The following UTP4 variants were observed in gnomAD, a reference collection of about 807,000 sequenced individuals.
UTP4 encodes the protein UTP4 small subunit processome component.
Under a neutral mutation model 82.4 loss-of-function variants are expected in UTP4, and 45 were observed. That is an observed-to-expected ratio of 0.55 (90% CI 0.43 to 0.70). UTP4 has a LOEUF of 0.70. Among genes scored for constraint, UTP4 ranks in the 30% least tolerant of loss-of-function variants. UTP4 has a pLI of 0.00. For missense variants in UTP4, 819 were observed against 858.3 expected (o/e 0.95, Z 0.57); for synonymous variants, 348 against 300.3 (o/e 1.16, Z -1.64).
At chr16:69,161,767 G>A (rs1056181790) in intron 13 of UTP4, among the ~76,000 whole-genome samples, 8 of 152,144 alleles carry the variant, frequency 5.3e-5, no homozygotes, top group African/African-American at 9.7e-5. Flanking sequence ...CTGCTCAAGC[G>A]ATCCTTCCAC....
At chr16:69,165,564 A>C in intron 15 of UTP4, 38 bp downstream of exon 15, 1 of 1,557,936 alleles carries the variant, frequency 6.4e-7, no homozygotes, top group Non-Finnish European at 8.8e-7. Context: ...TCTTCTTCTG[A>C]ATCTTAAAGT....
chr16:69,150,469 C>T, intron 6 of UTP4, 68 bp from the exon 7 acceptor site: 3 of 1,563,298 alleles, frequency 1.9e-6, no homozygotes, highest in Non-Finnish European at 2.6e-6. Flanking sequence ...GACAGAAAGC[C>T]TCGGAATATT....
chr16:69,156,133 CAG>C (rs1963406139), intron 11 of UTP4, 140 bp downstream of exon 11: 1 of 747,746 alleles, frequency 1.3e-6, no homozygotes. Context: ...TGTTATGAAA[CAG>C]TGTTTTATTT....
rs151102327 is a variant in UTP4 at position 69,144,654 on chromosome 16, G to A, written c.738+1265G>A. 3.3e-4 allele frequency among the ~76,000 whole-genome samples: 51 copies of A among 152,256 alleles called. 1 individual carries two copies. The Middle Eastern group carries it at 0.01, about 30-fold the overall frequency. On this transcript the variant is annotated intron_variant, in intron 6 of 16. Transcript: ENST00000314423. ...AGAATGATGTGCTATCCCACATGCC[G>A]ACATCCATATTCTAGTGTAGTGTTC...
intron 5 of UTP4, 91 bp downstream of exon 5, chr16:69,140,005 A>C (rs571944132): frequency 3.4e-6 from 3 of 889,034 alleles, no homozygotes; most frequent in East Asian, 4.8e-5. Context: ...TCATGGTTTC[A>C]TGACCTTTAT....
rs1963016446 is a variant in UTP4, at chr16:69,143,270, G to A, written c.619G>A (p.Gly207Ser). The A allele has an allele frequency of 6.2e-7, 1 of 1,614,088 alleles. No individual in the cohort carries two copies. The highest frequency in any genetic ancestry group is 1.3e-5 in the African/African-American group (1 of 74,936). ...GTGGGGTGTCGCCTTCTTGTCCGAT[G>A]GCACTATCATAAGTGTGGACTCTGC... The part of the protein sequence containing the change: ...IVWGVAFLSD[G>S]TIISVDSAGK... Residue 207 changes from glycine to serine, a missense_variant, in exon 6 of 17, where the codon GGC becomes AGC. Physicochemically the swap from Gly to Ser is moderately conservative, Grantham distance 56 (BLOSUM62 0). Transcript: ENST00000314423.
chr16:69,150,968 A>G lies in UTP4; in HGVS notation c.1002+64A>G. 4 of 1,282,572 alleles carry G rather than the reference A, an allele frequency of 3.1e-6. No homozygotes were observed. In the South Asian group the frequency reaches 4.7e-5, roughly 15 times the overall value. The allele number at this position is 1,282,572 out of a possible 1,614,324, so 79.4% of individuals were successfully genotyped here. ...CCCCATCCCTGTGTCCCCCTGTCCC[A>G]CAAGCTCTGAACACAGCTCACGCTC... On this transcript the variant is annotated intron_variant, in intron 8 of 16. Transcript: ENST00000314423.
chr16:69,165,605 G>C (rs1567383619), intron 15 of UTP4, 79 bp downstream of exon 15: 6 of 1,187,762 alleles, frequency 5.1e-6, no homozygotes, highest in African/African-American at 3.0e-5. Context: ...TAAGGTAAGA[G>C]GACAGAGACT....
At chr16:69,141,800 T>C (rs1962966229) in intron 5 of UTP4, among the ~76,000 whole-genome samples, 1 of 151,564 alleles carries the variant, frequency 6.6e-6, no homozygotes, top group African/African-American at 2.4e-5. Flanking sequence ...TTATGTTTCA[T>C]TATACAGAAA....
intron 6 of UTP4, among the ~76,000 whole-genome samples, chr16:69,143,878 G>A (rs987722007): frequency 6.7e-6 from 1 of 150,210 alleles, no homozygotes; most frequent in African/African-American, 2.5e-5. Context: ...GTCTTATTTA[G>A]TAGTAGTTCT....
At chr16:69,162,320 G>A (rs1438807084) in intron 13 of UTP4, among the ~76,000 whole-genome samples, 1 of 150,450 alleles carries the variant, frequency 6.6e-6, no homozygotes, top group African/African-American at 2.4e-5. Flanking sequence ...GCTTACGCCT[G>A]TAATCCCAGC....
intron 16 of UTP4, among the ~76,000 whole-genome samples, chr16:69,168,424 A>T (rs1963754986): frequency 2.2e-5 from 2 of 91,322 alleles, no homozygotes; most frequent in East Asian, 2.7e-4. Context: ...CGGCAGAGCG[A>T]GACTGTCTCA....
In UTP4 at chr16:69,167,086, T is replaced by C; in HGVS notation, c.1845T>C (p.Asn615=). 1 of 1,613,084 alleles carries C rather than the reference T, an allele frequency of 6.2e-7. No homozygotes were observed. The change falls in exon 16 of 17, where the codon AAT becomes AAC. Residue 615 remains asparagine (N), a synonymous_variant. Transcript: ENST00000314423. ...CIIDKSLPLP[N]DKTLLYNPFP... is the part of the protein sequence containing the mutation. ...CTTTGTTTTTTTAGCCCCTTCCAAA[T>C]GACAAAACCTTACTCTACAATCCAT...
intron 14 of UTP4, among the ~76,000 whole-genome samples, chr16:69,164,616 GTATA>G (rs1385908226): frequency 0.052 from 5,491 of 104,786 alleles, 146 homozygotes; most frequent in African/African-American, 0.098. Flanking sequence ...ATATATATAT[GTATA>G]TATATATCTG....
intron 6 of UTP4, among the ~76,000 whole-genome samples, chr16:69,146,779 G>T (rs550016474): frequency 1.3e-5 from 2 of 151,180 alleles, no homozygotes; most frequent in South Asian, 4.2e-4. Context: ...GGTGGATCAC[G>T]AGGTCAGGAG....
At chr16:69,136,988 G>A in intron 3 of UTP4, 101 bp downstream of exon 3, 2 of 977,442 alleles carry the variant, frequency 2.0e-6, no homozygotes, top group South Asian at 1.3e-5. Context: ...ATTATGGCAT[G>A]TGGCAACCCC....
chr16:69,137,632 G>T (rs1962843357), intron 3 of UTP4, among the ~76,000 whole-genome samples, 169 bp from the exon 4 acceptor site: 1 of 152,132 alleles, frequency 6.6e-6, no homozygotes, highest in Non-Finnish European at 1.5e-5. Context: ...TTAGTTTCTT[G>T]ATAACTAGTA....
intron 6 of UTP4, among the ~76,000 whole-genome samples, chr16:69,146,832 TAA>T (rs971177872): frequency 1.4e-5 from 2 of 141,734 alleles, no homozygotes; most frequent in Admixed American, 7.1e-5. Context: ...CCATCTCTAC[TAA>T]AAAAAAAAAA....
intron 13 of UTP4, 131 bp downstream of exon 13, chr16:69,160,593 CTTTTCT>C: frequency 9.0e-6 from 6 of 664,384 alleles, no homozygotes; most frequent in African/African-American, 5.6e-5. Flanking sequence ...ATTTTCTTTT[CTTTTCT>C]TTTTTTTTTT....
Sources: gnomAD v4.1 joint callset for allele counts (sites outside exome capture counted in the v4.1 genomes callset) on GRCh38, gnomAD v4.1.1 for gene constraint, MANE v1.5 for transcripts, NCBI Gene and HGNC (gene_info 2026-07-23, HGNC 2026-07-21) for gene names.